The following TNR variants were observed in gnomAD, a reference collection of about 807,000 sequenced individuals.
TNR encodes tenascin-R.
Under a neutral mutation model 150.4 loss-of-function variants are expected in TNR, and 45 were observed. The observed-to-expected ratio is 0.30, with a 90% CI of 0.24 to 0.38. The LOEUF (loss-of-function observed/expected upper bound fraction) is 0.38, where lower values mean the gene tolerates loss of function less well. TNR is among the 10% of genes least tolerant of loss of function. The probability of loss-of-function intolerance (pLI) is 1.00; values close to 1 mark genes in which losing one functional copy is unlikely to be tolerated. For missense variants in TNR, 1,544 were observed against 1,759.1 expected (o/e 0.88, Z 2.19); for synonymous variants, 687 against 678.4 (o/e 1.01, Z -0.20).
At chr1:175,392,931 A>C (rs1210254915) in intron 6 of TNR, among the ~76,000 whole-genome samples, 1 of 152,238 alleles carries the variant, frequency 6.6e-6, no homozygotes, top group African/African-American at 2.4e-5. Flanking sequence ...GAAGTAAAAG[A>C]ATGGTGAAAT....
At chr1:175,719,476 A>C (rs1667243680) in intron 1 of TNR, among the ~76,000 whole-genome samples, 1 of 152,242 alleles carries the variant, frequency 6.6e-6, no homozygotes. Context: ...GTGAGGATGT[A>C]GGCAGGTACT....
intron 9 of TNR, among the ~76,000 whole-genome samples, chr1:175,377,744 C>T (rs1193450357): frequency 6.6e-6 from 1 of 152,296 alleles, no homozygotes; most frequent in African/African-American, 2.4e-5. Flanking sequence ...ACCGTATGCA[C>T]TCTTTGCTGT....
chr1:175,587,494 T>C (rs1184636783), intron 1 of TNR, among the ~76,000 whole-genome samples: 1 of 152,220 alleles, frequency 6.6e-6, no homozygotes, highest in Non-Finnish European at 1.5e-5. Flanking sequence ...AGCTCAGTAC[T>C]TGTGTATGGT....
chr1:175,384,335 G>A (rs1023548256), intron 8 of TNR, among the ~76,000 whole-genome samples: 1 of 152,180 alleles, frequency 6.6e-6, no homozygotes, highest in Non-Finnish European at 1.5e-5. Flanking sequence ...GAAGCAGAAG[G>A]GAAGAGAAAT....
intron 2 of TNR, among the ~76,000 whole-genome samples, chr1:175,473,116 G>C (rs1443651368): frequency 1.3e-5 from 2 of 152,170 alleles, no homozygotes; most frequent in African/African-American, 4.8e-5. Context: ...CTTTTGAATT[G>C]TTATATTTCA....
chr1:175,322,083 A>T lies in TNR; in HGVS notation c.*1274T>A, dbSNP rs973158632. 9.2e-5 allele frequency: 14 copies of T among 152,236 alleles called. No individual in the cohort carries two copies. Among genetic ancestry groups the T allele is most frequent in the African/African-American group, 3.1e-4 (13 of 41,454 alleles). 9.4% of individuals were successfully genotyped at this position (152,236 alleles called of 1,614,324 possible). On this transcript the variant is annotated 3_prime_UTR_variant, in exon 23 of 23. Transcript: ENST00000367674. ...AATGGAGAAAACAGGGCTAGGGAAG[A>T]TCTGTGTTTCCCATGGAAACTATAA... is the stretch of plus-strand genomic sequence containing the variant.
At chr1:175,645,105 A>G (rs1664772398) in intron 1 of TNR, among the ~76,000 whole-genome samples, 1 of 152,168 alleles carries the variant, frequency 6.6e-6, no homozygotes, top group Non-Finnish European at 1.5e-5. Context: ...TTTAGCTGAG[A>G]AGATTAAAGA....
At chr1:175,426,862 TA>T (rs368707222) in intron 2 of TNR, among the ~76,000 whole-genome samples, 2 of 53,794 alleles carry the variant, frequency 3.7e-5, no homozygotes, top group African/African-American at 1.0e-4. Context: ...TAAATATATA[TA>T]AAATATATTA....
In TNR at chr1:175,445,871, A is replaced by G. The variant is rs961558471; in HGVS notation, c.-63-39094T>C. ...TTATTGAGTTTTCACAGTGCACATC[A>G]GTAGCCTCTATGTGCCTCTGCTCAA... On this transcript the variant is annotated intron_variant, in intron 2 of 22. Transcript: ENST00000367674. Among the ~76,000 whole-genome samples the G allele has an allele frequency of 7.2e-5, 11 of 152,236 alleles. 1 individual carries two copies. The South Asian group carries it at 2.1e-3, about 29-fold the overall frequency.
intron 2 of TNR, among the ~76,000 whole-genome samples, chr1:175,527,719 C>G (rs993786949): frequency 6.6e-6 from 1 of 151,902 alleles, no homozygotes; most frequent in Non-Finnish European, 1.5e-5. Context: ...ATTATTTCAA[C>G]CTGAAAATTC....
intron 21 of TNR, among the ~76,000 whole-genome samples, chr1:175,325,978 T>A (rs1251780433): frequency 2.0e-5 from 3 of 152,074 alleles, no homozygotes; most frequent in African/African-American, 7.2e-5. Context: ...GTAACAAACC[T>A]GCACATTGTG....
intron 2 of TNR, among the ~76,000 whole-genome samples, chr1:175,438,122 A>G (rs533922107): frequency 8.7e-4 from 132 of 152,332 alleles, no homozygotes; most frequent in Non-Finnish European, 1.7e-3. Flanking sequence ...TGATGCAAAA[A>G]TCCTCAATAA....
chr1:175,504,776 A>C (rs1658882115), intron 2 of TNR, among the ~76,000 whole-genome samples: 1 of 152,230 alleles, frequency 6.6e-6, no homozygotes, highest in South Asian at 2.1e-4. Flanking sequence ...CCTAGTCCCC[A>C]GCACCTCAGA....
At chr1:175,664,203 C>G (rs991992967) in intron 1 of TNR, among the ~76,000 whole-genome samples, 5 of 152,198 alleles carry the variant, frequency 3.3e-5, no homozygotes, top group African/African-American at 1.2e-4. Context: ...GGCCTCTGGG[C>G]AAAAACCTGG....
intron 1 of TNR, among the ~76,000 whole-genome samples, chr1:175,536,302 G>A (rs115978863): frequency 2.8e-3 from 430 of 152,084 alleles, no homozygotes; most frequent in African/African-American, 9.6e-3. Context: ...ATTTTTTATG[G>A]ACCAAGCCAT....
At chr1:175,404,029 A>G (rs859402) in intron 3 of TNR, among the ~76,000 whole-genome samples, 104,139 of 152,020 alleles carry the variant, frequency 0.69, 36,033 homozygotes, top group East Asian at 0.83. Flanking sequence ...CAAGTTCCAG[A>G]AGAGTCACTT....
intron 3 of TNR, 29 bp from the exon 4 acceptor site, chr1:175,403,645 G>A (rs1653823576): frequency 5.1e-6 from 8 of 1,566,314 alleles, no homozygotes; most frequent in Non-Finnish European, 7.0e-6. Flanking sequence ...AGGTCAAAGA[G>A]CAGCAGTGGC....
At chr1:175,495,491 G>T in intron 2 of TNR, among the ~76,000 whole-genome samples, 1 of 152,198 alleles carries the variant, frequency 6.6e-6, no homozygotes, top group Middle Eastern at 3.2e-3. Flanking sequence ...AGGGAAACAA[G>T]AAATTATTGA....
intron 1 of TNR, among the ~76,000 whole-genome samples, chr1:175,723,600 A>C (rs1200157118): frequency 1.3e-5 from 2 of 152,238 alleles, no homozygotes; most frequent in Non-Finnish European, 2.9e-5. Context: ...TGCTAGACAT[A>C]GTGGCTCATG....
Sources: gnomAD v4.1 joint callset for allele counts (sites outside exome capture counted in the v4.1 genomes callset) on GRCh38, gnomAD v4.1.1 for gene constraint, MANE v1.5 for transcripts, NCBI Gene and HGNC (gene_info 2026-07-23, HGNC 2026-07-21) for gene names.